Variants in TRPC4 observed in about 807,000 individuals in gnomAD.
TRPC4 encodes transient receptor potential cation channel subfamily C member 4, also known as short transient receptor potential channel 4.
In TRPC4, 49 loss-of-function variants were observed where a neutral mutation model predicts 99.4. The ratio of observed to expected loss-of-function variants is 0.49; its 90% CI spans 0.39 to 0.63. The LOEUF (loss-of-function observed/expected upper bound fraction) is 0.63, where lower values mean the gene tolerates loss of function less well. TRPC4 is among the 20% of genes least tolerant of loss of function. The probability of loss-of-function intolerance (pLI) is 0.00; values close to 1 mark genes in which losing one functional copy is unlikely to be tolerated. For missense variants in TRPC4, 898 were observed against 1,152.9 expected (o/e 0.78, Z 3.20); for synonymous variants, 454 against 425.9 (o/e 1.07, Z -0.81).
intron 3 of TRPC4, among the ~76,000 whole-genome samples, chr13:37,732,224 C>G (rs1283693872): frequency 6.6e-6 from 1 of 152,022 alleles, no homozygotes; most frequent in East Asian, 1.9e-4. Flanking sequence ...TGTACATGCT[C>G]TATATATAGA....
Position 37,637,506 on chromosome 13 carries a change from T to G in TRPC4, c.2331A>C (p.Ser777=). ...ASKESSNSAD[S]DEKSDSEGNS... ...TACCTTCGCTATCACTCTTTTCATCTGAGTCTGCCGAATTTGAAGACTCCT... is the reference window on the plus strand; with the variant it reads ...TACCTTCGCTATCACTCTTTTCATCGGAGTCTGCCGAATTTGAAGACTCCT... Residue 777 remains serine (S), a synonymous_variant, in exon 11 of 11, where the codon TCA becomes TCC. Coordinates refer to ENST00000379705, the MANE Select transcript of TRPC4 (RefSeq NM_016179.4). The G allele has an allele frequency of 1.6e-5, 26 of 1,613,818 alleles. No homozygotes were observed. Among genetic ancestry groups the G allele is most frequent in the Non-Finnish European group, 2.1e-5 (25 of 1,179,770 alleles).
At chr13:37,836,687 A>G (rs1444466132) in intron 1 of TRPC4, among the ~76,000 whole-genome samples, 1 of 152,176 alleles carries the variant, frequency 6.6e-6, no homozygotes, top group Non-Finnish European at 1.5e-5. Flanking sequence ...TAAAAGGAAA[A>G]TGGAGCCTAA....
intron 3 of TRPC4, among the ~76,000 whole-genome samples, chr13:37,716,491 T>G (rs1290388079): frequency 6.6e-6 from 1 of 152,204 alleles, no homozygotes; most frequent in Non-Finnish European, 1.5e-5. Flanking sequence ...GCACTGGCTT[T>G]GAGTATCTAG....
chr13:37,668,260 T>C (rs1952714419), intron 5 of TRPC4, among the ~76,000 whole-genome samples: 1 of 152,232 alleles, frequency 6.6e-6, no homozygotes, highest in Admixed American at 6.5e-5. Flanking sequence ...TTTATTTCTA[T>C]TCAGATTCCT....
At chr13:37,684,115 A>G (rs1953366860) in intron 4 of TRPC4, among the ~76,000 whole-genome samples, 1 of 152,192 alleles carries the variant, frequency 6.6e-6, no homozygotes, top group African/African-American at 2.4e-5. Flanking sequence ...TCAGTCTTTA[A>G]TGTTTAAAAT....
Position 37,663,590 on chromosome 13 carries a change from A to G in TRPC4, c.1514T>C (p.Leu505Pro). ...GAGCATTCTTCCCAGAGATATTTGC[A>G]GAGGTCCCAGGTGAGAATTTGCAGT... The part of the protein sequence containing the change: ...LFTANSHLGP[L>P]QISLGRMLLD... The change falls in exon 6 of 11, where the codon CTG (leucine) becomes CCG (proline). Residue 505 changes from leucine to proline, a missense_variant. Physicochemically the swap from Leu to Pro is moderately conservative, Grantham distance 98. Around this residue, in one of 3 missense-constraint regions of TRPC4, gnomAD observed 274 missense variants for 454.9 expected, o/e 0.60. Transcript: ENST00000379705. 2 of 1,614,232 alleles carry G rather than the reference A, an allele frequency of 1.2e-6. No homozygotes were observed. The highest frequency in any genetic ancestry group is 1.7e-6 in the Non-Finnish European group (2 of 1,180,026).
At position 37,636,732 on chromosome 13, in the gene TRPC4, A is replaced by T; in HGVS notation, c.*171T>A. ...AGCAAAAGCAGGCTACAAAACAAAAAGGTTTTTGATTGCCTTTGCCTTATT... is the reference window on the plus strand; with the variant it reads ...AGCAAAAGCAGGCTACAAAACAAAATGGTTTTTGATTGCCTTTGCCTTATT... On this transcript the variant is annotated 3_prime_UTR_variant, in exon 11 of 11. Coordinates refer to ENST00000379705, the MANE Select transcript of TRPC4 (RefSeq NM_016179.4). The T allele has an allele frequency of 2.4e-6, 2 of 823,054 alleles. No individual in the cohort carries two copies. The highest frequency in any genetic ancestry group is 3.4e-6 in the Non-Finnish European group (2 of 586,982). 51.0% of individuals were successfully genotyped at this position (823,054 alleles called of 1,614,324 possible). A position where few individuals can be genotyped will look rare whatever the true frequency, so the allele number is the denominator to read the frequency against.
chr13:37,699,094 G>A (rs1160745395), intron 3 of TRPC4, among the ~76,000 whole-genome samples: 1 of 151,996 alleles, frequency 6.6e-6, no homozygotes, highest in East Asian at 1.9e-4. Context: ...GATTGTGTGA[G>A]TATTAATAAA....
chr13:37,827,997 G>A (rs977608717), intron 1 of TRPC4, among the ~76,000 whole-genome samples: 8 of 152,126 alleles, frequency 5.3e-5, no homozygotes, highest in East Asian at 1.9e-4. Context: ...TAAGCCCGTC[G>A]GAAAAGTGCA....
At chr13:37,649,608 C>T (rs1199792761) in intron 8 of TRPC4, among the ~76,000 whole-genome samples, 5 of 151,778 alleles carry the variant, frequency 3.3e-5, no homozygotes, top group Non-Finnish European at 7.4e-5. Context: ...GTGGCAGGCG[C>T]CTGTAGTCCC....
intron 3 of TRPC4, among the ~76,000 whole-genome samples, chr13:37,741,430 T>A (rs1054211083): frequency 2.6e-5 from 4 of 152,186 alleles, no homozygotes; most frequent in Non-Finnish European, 4.4e-5. Flanking sequence ...TTTAAGGGTA[T>A]GACTACATGC....
chr13:37,809,177 T>C (rs1957608088), intron 1 of TRPC4, among the ~76,000 whole-genome samples: 1 of 152,060 alleles, frequency 6.6e-6, no homozygotes, highest in Non-Finnish European at 1.5e-5. Flanking sequence ...GGTTGGAAAT[T>C]AGGTCAATGT....
At position 37,692,238 on chromosome 13, in the gene TRPC4, G is replaced by A; in HGVS notation, c.995C>T (p.Thr332Ile). The part of the protein sequence containing the change: ...RRRHWAVKMV[T>I]CFIIGLLFPV... ...AAAAAGAAGTCCTATTATGAAACAT[G>A]TCACCATCTTCACTGCCCAGTGTCT... The change falls in exon 4 of 11, where the codon ACA becomes ATA. Residue 332 changes from threonine (T) to isoleucine (I), a missense_variant. Physicochemically the swap from Thr to Ile is moderately conservative, Grantham distance 89. This residue lies in a region of TRPC4 where 274 missense variants were observed against 454.9 expected (regional missense o/e 0.60). Transcript: ENST00000379705. 6.2e-7 allele frequency: 1 copy of A among 1,614,136 alleles called. No homozygotes were observed. Among genetic ancestry groups the A allele is most frequent in the Non-Finnish European group, 8.5e-7 (1 of 1,180,012 alleles).
intron 3 of TRPC4, among the ~76,000 whole-genome samples, chr13:37,709,532 TTTC>T (rs1230340400): frequency 6.6e-6 from 1 of 152,020 alleles, no homozygotes; most frequent in Non-Finnish European, 1.5e-5. Context: ...ATTACTCACC[TTTC>T]CTCCTTCATG....
At chr13:37,733,166 G>T (rs1273598419) in intron 3 of TRPC4, among the ~76,000 whole-genome samples, 1 of 152,120 alleles carries the variant, frequency 6.6e-6, no homozygotes, top group Non-Finnish European at 1.5e-5. Context: ...CCAGCTACCT[G>T]GGAGGCTGAG....
At chr13:37,675,766 C>T (rs117973885) in intron 4 of TRPC4, among the ~76,000 whole-genome samples, 1 of 152,114 alleles carries the variant, frequency 6.6e-6, no homozygotes, top group Non-Finnish European at 1.5e-5. Flanking sequence ...AAAGTTCCAT[C>T]CCTAGCAGTC....
rs1203390155 is a variant in TRPC4, at chr13:37,651,428, C to A, written c.1916G>T (p.Arg639Leu). 6.2e-7 allele frequency: 1 copy of A among 1,613,986 alleles called. No individual in the cohort carries two copies. The highest frequency in any genetic ancestry group is 1.7e-5 in the Admixed American group (1 of 60,014). The change falls in exon 8 of 11, where the codon CGA becomes CTA. Residue 639 changes from arginine to leucine, a missense_variant. Coordinates refer to ENST00000379705, the MANE Select transcript of TRPC4 (RefSeq NM_016179.4). ...AAAATAACTCATCCAAAGCTTTGTT[C>A]GTGCAAATTTCCATTCTATATCTGC... The part of the protein sequence containing the change: ...DHADIEWKFA[R>L]TKLWMSYFEE...
At chr13:37,865,303 G>A (rs1959665646) in intron 1 of TRPC4, among the ~76,000 whole-genome samples, 2 of 151,528 alleles carry the variant, frequency 1.3e-5, no homozygotes, top group African/African-American at 4.8e-5. Flanking sequence ...ACATGGCCTA[G>A]CATGACCTTT....
At chr13:37,819,075 A>G (rs370053533) in intron 1 of TRPC4, among the ~76,000 whole-genome samples, 2 of 152,106 alleles carry the variant, frequency 1.3e-5, no homozygotes, top group African/African-American at 4.8e-5. Context: ...GGCATATGAA[A>G]AAAAGCTTAA....
Sources: gnomAD v4.1 joint callset for allele counts (sites outside exome capture counted in the v4.1 genomes callset) on GRCh38, gnomAD v4.1.1 for gene constraint, gnomAD v4.1.1 regional missense constraint, MANE v1.5 for transcripts, NCBI Gene and HGNC (gene_info 2026-07-23, HGNC 2026-07-21) for gene names.